LSAMP: variants seen among roughly 807,000 people sequenced by gnomAD.
The protein encoded by LSAMP is limbic system associated membrane protein.
In LSAMP, 7 loss-of-function variants were observed where a neutral mutation model predicts 38.6. The ratio of observed to expected loss-of-function variants is 0.18; its 90% CI spans 0.10 to 0.34. The LOEUF (loss-of-function observed/expected upper bound fraction) is 0.34, where lower values mean the gene tolerates loss of function less well. Among genes scored for constraint, LSAMP ranks in the 10% least tolerant of loss-of-function variants. The pLI is 1.00. For synonymous variants in LSAMP, 154 were observed against 166.8 expected (o/e 0.92, Z 0.59); for missense variants, 313 against 420.0 (o/e 0.75, Z 2.23).
At position 116,210,801 on chromosome 3, in the gene LSAMP, T is replaced by C. The variant is rs192792511; in HGVS notation, c.156-124245A>G. Among the ~76,000 whole-genome samples, 25 of 152,022 alleles carry C rather than the reference T, an allele frequency of 1.6e-4. No homozygotes were observed. The East Asian group carries it at 4.6e-3, about 28-fold the overall frequency. On this transcript the variant is annotated intron_variant, in intron 1 of 6. Coordinates refer to ENST00000490035, the MANE Select transcript of LSAMP (RefSeq NM_002338.5). ...GCAAATTTCTAATAGTAAATAACAA[T>C]GAAAAGTCAGAGACAGATAATTAAA...
intron 1 of LSAMP, among the ~76,000 whole-genome samples, chr3:116,256,631 G>A (rs189531809): frequency 1.3e-5 from 2 of 151,880 alleles, no homozygotes; most frequent in Non-Finnish European, 2.9e-5. Flanking sequence ...TTGAAAGCAT[G>A]CTCAAAATAT....
chr3:115,930,811 G>A (rs984954745), intron 3 of LSAMP, among the ~76,000 whole-genome samples: 1 of 152,160 alleles, frequency 6.6e-6, no homozygotes, highest in African/African-American at 2.4e-5. Flanking sequence ...CTAACACCCT[G>A]ACACCACAGG....
At chr3:116,192,757 A>AT (rs558995893) in intron 1 of LSAMP, among the ~76,000 whole-genome samples, 319 of 152,302 alleles carry the variant, frequency 2.1e-3, no homozygotes, top group Non-Finnish European at 3.5e-3. Flanking sequence ...GTGCTACTCC[A>AT]TGTTTCCAGT....
At chr3:116,295,069 A>AAAAG (rs2047312721) in intron 1 of LSAMP, among the ~76,000 whole-genome samples, 1 of 152,212 alleles carries the variant, frequency 6.6e-6, no homozygotes, top group African/African-American at 2.4e-5. Context: ...TATGGAACAC[A>AAAAG]AAAGATTGAT....
At chr3:115,996,652 AAAC>A (rs1044849630) in intron 3 of LSAMP, among the ~76,000 whole-genome samples, 3 of 152,136 alleles carry the variant, frequency 2.0e-5, no homozygotes, top group Non-Finnish European at 2.9e-5. Context: ...TGGGGAAAAA[AAAC>A]AACAATTTTT....
chr3:115,985,595 C>T (rs73149074), intron 3 of LSAMP, among the ~76,000 whole-genome samples: 4 of 152,272 alleles, frequency 2.6e-5, no homozygotes, highest in Non-Finnish European at 4.4e-5. Flanking sequence ...ATATCACTTT[C>T]AAGGTTAGGT....
chr3:116,170,184 T>A (rs893724993), intron 1 of LSAMP, among the ~76,000 whole-genome samples: 12 of 152,160 alleles, frequency 7.9e-5, no homozygotes, highest in African/African-American at 2.9e-4. Context: ...TAAATAAAAT[T>A]CAATTTGGAA....
At chr3:116,270,716 T>C (rs2046960086) in intron 1 of LSAMP, among the ~76,000 whole-genome samples, 2 of 152,250 alleles carry the variant, frequency 1.3e-5, no homozygotes, top group Admixed American at 6.5e-5. Context: ...GTAACTTTTC[T>C]AAGGGCTCCC....
intron 2 of LSAMP, among the ~76,000 whole-genome samples, chr3:116,071,041 AAAATAAATAAATAATAAATAAATAAAT>A (rs1352361706): frequency 2.7e-4 from 39 of 143,758 alleles, no homozygotes; most frequent in Middle Eastern, 3.6e-3. Context: ...ACTCCATCTC[AAAATAAATAAATAATAAATAAATAAAT>A]AAATAAATAA....
chr3:115,863,376 G>A (rs1935763822), intron 3 of LSAMP, among the ~76,000 whole-genome samples: 1 of 151,922 alleles, frequency 6.6e-6, no homozygotes, highest in South Asian at 2.1e-4. Context: ...AAGGTTTTTG[G>A]TTTGATTGAT....
chr3:116,109,592 T>C (rs1165087311), intron 1 of LSAMP, among the ~76,000 whole-genome samples: 1 of 152,168 alleles, frequency 6.6e-6, no homozygotes, highest in Non-Finnish European at 1.5e-5. Context: ...TCTTGTAGGA[T>C]GGAAAAATTG....
chr3:116,264,950 G>A (rs1381968715), intron 1 of LSAMP, among the ~76,000 whole-genome samples: 1 of 152,114 alleles, frequency 6.6e-6, no homozygotes, highest in Non-Finnish European at 1.5e-5. Flanking sequence ...GTCTGTGGGT[G>A]GAGCTGAACA....
intron 3 of LSAMP, 26 bp from the exon 4 acceptor site, chr3:115,852,643 C>A (rs768492550): frequency 1.9e-6 from 3 of 1,599,210 alleles, no homozygotes; most frequent in Non-Finnish European, 1.7e-6. Context: ...TTTCATGATT[C>A]TTTTTTAAAG....
At chr3:116,229,136 G>C (rs1475246000) in intron 1 of LSAMP, among the ~76,000 whole-genome samples, 1 of 152,068 alleles carries the variant, frequency 6.6e-6, no homozygotes, top group Non-Finnish European at 1.5e-5. Flanking sequence ...AACTTATCTT[G>C]AAAGTGTTTC....
At position 116,298,868 on chromosome 3, in the gene LSAMP, G is replaced by A. The variant is rs139345785; in HGVS notation, c.155+146009C>T. Among the ~76,000 whole-genome samples, 42 of 152,250 alleles carry A rather than the reference G, an allele frequency of 2.8e-4. 1 individual carries two copies. Among genetic ancestry groups the A allele is most frequent in the African/African-American group, 1.0e-3 (42 of 41,550 alleles). ...GTCCTTATAGCAAGCAGAAGGAACA[G>A]ACACAATCTATCTTTGTAGAGGTTT... On this transcript the variant is annotated intron_variant, in intron 1 of 6. Coordinates refer to ENST00000490035, the MANE Select transcript of LSAMP (RefSeq NM_002338.5).
intron 6 of LSAMP, among the ~76,000 whole-genome samples, chr3:115,828,277 A>G (rs185555747): frequency 6.6e-6 from 1 of 152,288 alleles, no homozygotes; most frequent in Non-Finnish European, 1.5e-5. Flanking sequence ...ATCATAAGAC[A>G]TTTGTCAGGG....
intron 3 of LSAMP, among the ~76,000 whole-genome samples, chr3:115,937,893 A>G (rs1419963467): frequency 6.6e-6 from 1 of 152,136 alleles, no homozygotes; most frequent in African/African-American, 2.4e-5. Flanking sequence ...TTACTATGAA[A>G]TCTCTAACAG....
At position 116,280,516 on chromosome 3, in the gene LSAMP, A is replaced by G. The variant is rs150653216; in HGVS notation, c.155+164361T>C. Among the ~76,000 whole-genome samples, 822 of 152,376 alleles carry G rather than the reference A, an allele frequency of 5.4e-3. 5 individuals are homozygous for G. The highest frequency in any genetic ancestry group is 0.019 in the African/African-American group (778 of 41,590). On this transcript the variant is annotated intron_variant, in intron 1 of 6. Coordinates refer to ENST00000490035, the MANE Select transcript of LSAMP (RefSeq NM_002338.5). The stretch of plus-strand genomic sequence containing the variant: ...CTGCGGGTCAGGATTCAATCAACTG[A>G]AAACAGACCCAGTATTGGCATCTAT...
intron 3 of LSAMP, among the ~76,000 whole-genome samples, chr3:115,952,721 A>G (rs1938331581): frequency 6.6e-6 from 1 of 152,208 alleles, no homozygotes; most frequent in Non-Finnish European, 1.5e-5. Flanking sequence ...ATTGAAATAA[A>G]AAAACTAGAA....
Sources: allele counts gnomAD v4.1 joint callset (sites outside exome capture counted in the v4.1 genomes callset), GRCh38; gene constraint gnomAD v4.1.1; transcripts MANE v1.5; gene names NCBI Gene and HGNC (gene_info 2026-07-23, HGNC 2026-07-21).